SEL1L3: variants seen among roughly 807,000 people sequenced by gnomAD.
The protein encoded by SEL1L3 is protein sel-1 homolog 3.
Under a neutral mutation model 142.8 loss-of-function variants are expected in SEL1L3, and 76 were observed. The ratio of observed to expected loss-of-function variants is 0.53; its 90% confidence interval spans 0.44 to 0.64. SEL1L3 has a LOEUF of 0.64. SEL1L3 is among the 30% of genes least tolerant of loss of function. The pLI is 0.00. For synonymous variants in SEL1L3, 504 were observed against 519.6 expected, an observed-to-expected ratio of 0.97 and a Z score of 0.41; for missense variants, 1,262 against 1,381.7, an observed-to-expected ratio of 0.91 and a Z score of 1.37.
chr4:25,734,191 T>A, the SEL1L3 span, among the ~76,000 whole-genome samples: 1 of 152,006 alleles, frequency 6.6e-6, no homozygotes, highest in Non-Finnish European at 1.5e-5. Flanking sequence ...GCCCAGCTAA[T>A]GTTTTTTGTT....
intron 1 of SEL1L3, among the ~76,000 whole-genome samples, chr4:25,853,420 T>C (rs1717031723): frequency 6.6e-6 from 1 of 152,184 alleles, no homozygotes. Flanking sequence ...TATATAGGTG[T>C]TAGACATATG....
Position 25,847,351 on chromosome 4 carries a change from T to G in SEL1L3, c.676A>C (p.Met226Leu). 1 of 1,613,970 alleles carries G rather than the reference T, an allele frequency of 6.2e-7. No individual in the cohort carries two copies. Among genetic ancestry groups the G allele is most frequent in the Non-Finnish European group, 8.5e-7 (1 of 1,179,878 alleles). ...KDHQVCLEWN[M>L]GYIWNLRANR... ...GCCCGAAGGTTCCAAATATAACCCA[T>G]GTTCCACTCAAGGCACACTTGATGA... is the stretch of plus-strand genomic sequence containing the variant. Residue 226 changes from methionine (M) to leucine (L), a missense_variant, in exon 2 of 24, where the codon ATG becomes CTG. This residue lies in a region of SEL1L3 where 689 missense variants were observed against 692.8 expected (regional missense o/e 0.99). Transcript: ENST00000399878.
intron 23 of SEL1L3, among the ~76,000 whole-genome samples, chr4:25,750,415 C>T (rs965944721): frequency 6.6e-5 from 10 of 152,022 alleles, no homozygotes; most frequent in Non-Finnish European, 1.2e-4. Context: ...ATCTGCTTGC[C>T]GACTGACCAG....
At chr4:25,852,430 A>G (rs997239812) in intron 1 of SEL1L3, among the ~76,000 whole-genome samples, 1 of 152,222 alleles carries the variant, frequency 6.6e-6, no homozygotes, top group African/African-American at 2.4e-5. Context: ...GCATTTGTCC[A>G]TAAGTGCTGG....
At chr4:25,785,480 G>A (rs1323917803) in intron 13 of SEL1L3, among the ~76,000 whole-genome samples, 1 of 152,124 alleles carries the variant, frequency 6.6e-6, no homozygotes, top group African/African-American at 2.4e-5. Context: ...TAGGATCCAG[G>A]AACCATGCAG....
At chr4:25,823,830 T>C (rs966633001) in intron 6 of SEL1L3, among the ~76,000 whole-genome samples, 1 of 152,034 alleles carries the variant, frequency 6.6e-6, no homozygotes, top group Non-Finnish European at 1.5e-5. Flanking sequence ...CTACCCACAG[T>C]TGGATCAGGG....
At chr4:25,715,334 A>G in the SEL1L3 span, among the ~76,000 whole-genome samples, 1 of 152,268 alleles carries the variant, frequency 6.6e-6, no homozygotes, top group Middle Eastern at 3.4e-3. Context: ...TCAATTTTTA[A>G]AAATTATATT....
chr4:25,809,625 CCTT>C (rs990555063), intron 9 of SEL1L3, among the ~76,000 whole-genome samples: 3 of 152,074 alleles, frequency 2.0e-5, no homozygotes, highest in Admixed American at 6.6e-5. Context: ...TTTCTCCCTG[CCTT>C]CTTCTTTTCC....
At chr4:25,846,187 G>C (rs1716496869) in intron 2 of SEL1L3, among the ~76,000 whole-genome samples, 2 of 152,182 alleles carry the variant, frequency 1.3e-5, no homozygotes, top group South Asian at 4.1e-4. Context: ...TGCACCAATG[G>C]AGAGAACTTC....
the SEL1L3 span, among the ~76,000 whole-genome samples, chr4:25,737,024 ACCCAGGC>A: frequency 2.0e-5 from 3 of 146,676 alleles, no homozygotes; most frequent in Non-Finnish European, 4.5e-5. Flanking sequence ...TCTCACTGTC[ACCCAGGC>A]TGGAGTGCAA....
At chr4:25,851,866 C>T (rs540858503) in intron 1 of SEL1L3, among the ~76,000 whole-genome samples, 92 of 132,044 alleles carry the variant, frequency 7.0e-4, no homozygotes, top group African/African-American at 2.6e-3. Context: ...TCCAGCCTGG[C>T]GACAGAGTGA....
Position 25,779,203 on chromosome 4 carries a change from TC to T in SEL1L3, c.2458-1del, listed in dbSNP as rs1406098647. Reference sequence around the variant, plus strand: ...TTATGGAAATATTCACCAGCTAAAGTCTGTAACAAGAGATGAACAAACATCG... The same window carrying T: ...TTATGGAAATATTCACCAGCTAAAGTTGTAACAAGAGATGAACAAACATCG... On this transcript the variant is annotated splice_acceptor_variant, in intron 15 of 23. Transcript: ENST00000399878. LOFTEE classifies it high-confidence loss of function. 2 of 1,612,968 alleles carry T rather than the reference TC, an allele frequency of 1.2e-6. No individual in the cohort carries two copies. The highest frequency in any genetic ancestry group is 1.7e-6 in the Non-Finnish European group (2 of 1,179,304).
intron 9 of SEL1L3, among the ~76,000 whole-genome samples, chr4:25,805,136 G>A (rs564812055): frequency 1.3e-5 from 2 of 152,280 alleles, no homozygotes; most frequent in South Asian, 2.1e-4. Context: ...CTCACAAACA[G>A]TTCTTAGGTA....
intron 11 of SEL1L3, among the ~76,000 whole-genome samples, chr4:25,796,342 C>T (rs112324879): frequency 0.017 from 2,610 of 152,206 alleles, 82 homozygotes; most frequent in African/African-American, 0.06. Flanking sequence ...CGCCTGTAAT[C>T]CTAGCAGTTT....
At chr4:25,728,589 G>A in the SEL1L3 span, among the ~76,000 whole-genome samples, 25,439 of 152,034 alleles carry the variant, frequency 0.17, 3,005 homozygotes, top group African/African-American at 0.34. Flanking sequence ...CATACCTAAG[G>A]CTATCTTGCA....
At chr4:25,846,915 A>AG (rs1240401338) in intron 2 of SEL1L3, among the ~76,000 whole-genome samples, 2 of 149,398 alleles carry the variant, frequency 1.3e-5, no homozygotes, top group African/African-American at 4.9e-5. Flanking sequence ...TCCATCTCAA[A>AG]AAAAAAAAAA....
chr4:25,806,856 TAA>T (rs59558638), intron 9 of SEL1L3, among the ~76,000 whole-genome samples: 7 of 142,618 alleles, frequency 4.9e-5, no homozygotes, highest in African/African-American at 7.7e-5. Flanking sequence ...CAGCTTGTCG[TAA>T]AAAAAAAAAA....
intron 2 of SEL1L3, among the ~76,000 whole-genome samples, chr4:25,841,067 C>G (rs1384195854): frequency 6.7e-6 from 1 of 150,078 alleles, no homozygotes; most frequent in African/African-American, 2.5e-5. Context: ...GAGTCTTGCT[C>G]TGTCACCCAG....
intron 17 of SEL1L3, among the ~76,000 whole-genome samples, chr4:25,769,558 C>T (rs1373674364): frequency 6.6e-6 from 1 of 152,164 alleles, no homozygotes; most frequent in Non-Finnish European, 1.5e-5. Flanking sequence ...TACAAGAATC[C>T]TCAGAGCAGA....
Sources: gnomAD v4.1 joint callset for allele counts (sites outside exome capture counted in the v4.1 genomes callset) on GRCh38, gnomAD v4.1.1 for gene constraint, gnomAD v4.1.1 regional missense constraint, MANE v1.5 for transcripts, NCBI Gene and HGNC (gene_info 2026-07-23, HGNC 2026-07-21) for gene names.